PTPRD: variants seen among roughly 807,000 people sequenced by gnomAD.
PTPRD encodes receptor-type tyrosine-protein phosphatase delta.
In PTPRD, 34 loss-of-function variants were observed where a neutral mutation model predicts 214.5. The ratio of observed to expected loss-of-function variants is 0.16; its 90% CI spans 0.12 to 0.21. PTPRD has a LOEUF of 0.21. Ranked by LOEUF, PTPRD falls within the 10% of genes least tolerant of loss-of-function variation. The pLI is 1.00. For synonymous variants in PTPRD, 1,128 were observed against 845.7 expected (o/e 1.33, Z -5.79); for missense variants, 2,545 against 2,398.7 (o/e 1.06, Z -1.27).
At position 8,422,309 on chromosome 9, in the gene PTPRD, A is replaced by G. The variant is rs1373639775; in HGVS notation, c.4086+14283T>C. On this transcript the variant is annotated intron_variant, in intron 35 of 45. Coordinates refer to ENST00000381196, the MANE Select transcript of PTPRD (RefSeq NM_002839.4). ...TAAGTAAAATTCCTACTTTATCACA[A>G]TCCTTGTAATGTTTATAATTTGGGT... Among the ~76,000 whole-genome samples, 6 of 152,208 alleles carry G rather than the reference A, an allele frequency of 3.9e-5. No individual in the cohort carries two copies. In the East Asian group the frequency reaches 9.6e-4, roughly 24 times the overall value.
intron 11 of PTPRD, among the ~76,000 whole-genome samples, chr9:8,763,197 C>T (rs1443700763): frequency 6.6e-6 from 1 of 152,156 alleles, no homozygotes; most frequent in East Asian, 1.9e-4. Flanking sequence ...GACAGTAGAG[C>T]AGACTATAAG....
chr9:8,591,851 T>C (rs960970564), intron 14 of PTPRD, among the ~76,000 whole-genome samples: 1 of 152,162 alleles, frequency 6.6e-6, no homozygotes, highest in African/African-American at 2.4e-5. Context: ...TCTAACGGAA[T>C]AGCCTTCAGT....
At chr9:9,537,081 TCA>T (rs1002232488) in intron 8 of PTPRD, among the ~76,000 whole-genome samples, 6 of 151,852 alleles carry the variant, frequency 4.0e-5, no homozygotes, top group Admixed American at 3.9e-4. Flanking sequence ...GGAATGCTAC[TCA>T]CACACAGCAT....
intron 2 of PTPRD, among the ~76,000 whole-genome samples, chr9:10,594,262 G>T (rs558198918): frequency 5.4e-5 from 8 of 147,400 alleles, no homozygotes; most frequent in Non-Finnish European, 1.1e-4. Flanking sequence ...AAATGAAGGA[G>T]AAATTATATT....
At chr9:10,067,591 G>A (rs1393875506) in intron 3 of PTPRD, among the ~76,000 whole-genome samples, 2 of 151,774 alleles carry the variant, frequency 1.3e-5, no homozygotes, top group Non-Finnish European at 2.9e-5. Context: ...CTGCGAGGAG[G>A]TATTATTATC....
intron 8 of PTPRD, among the ~76,000 whole-genome samples, chr9:9,555,763 T>A (rs1196286356): frequency 6.6e-6 from 1 of 152,160 alleles, no homozygotes; most frequent in Non-Finnish European, 1.5e-5. Flanking sequence ...ATAAGTACCT[T>A]TCCCATTATA....
chr9:10,512,464 A>G (rs2048620689), intron 2 of PTPRD, among the ~76,000 whole-genome samples: 1 of 152,110 alleles, frequency 6.6e-6, no homozygotes, highest in Non-Finnish European at 1.5e-5. Context: ...AAGATGCTAT[A>G]CAGAGAGATA....
rs539731362 is a variant in PTPRD, at chr9:8,676,930, G to C, written c.65-40086C>G. ...AAACGGAGTGCTTGGCACACAGTAG[G>C]CACCCAAAATAAGTCTGTAAAAAAG... On this transcript the variant is annotated intron_variant, in intron 12 of 45. Transcript: ENST00000381196. 3.3e-5 allele frequency among the ~76,000 whole-genome samples: 5 copies of C among 152,216 alleles called. No individual in the cohort carries two copies. The South Asian group carries it at 8.3e-4, about 25-fold the overall frequency.
chr9:9,449,033 T>C (rs2091357398), intron 8 of PTPRD, among the ~76,000 whole-genome samples: 1 of 152,130 alleles, frequency 6.6e-6, no homozygotes, highest in Non-Finnish European at 1.5e-5. Context: ...TGGACCATGT[T>C]ATTAATGAAA....
intron 31 of PTPRD, among the ~76,000 whole-genome samples, chr9:8,466,680 T>A (rs1321935866): frequency 6.6e-6 from 1 of 151,864 alleles, no homozygotes; most frequent in African/African-American, 2.4e-5. Context: ...TTGGGAAGAA[T>A]TTTTATTTTA....
chr9:10,312,778 C>A (rs926678425), intron 3 of PTPRD, among the ~76,000 whole-genome samples: 2 of 151,696 alleles, frequency 1.3e-5, no homozygotes, highest in Non-Finnish European at 1.5e-5. Context: ...CCAAAGGTAC[C>A]ATTTCACTGA....
At chr9:8,615,663 C>T (rs951829727) in intron 14 of PTPRD, among the ~76,000 whole-genome samples, 1 of 152,018 alleles carries the variant, frequency 6.6e-6, no homozygotes, top group African/African-American at 2.4e-5. Context: ...CACCTATATA[C>T]ACTCAGTGGC....
chr9:8,561,542 A>T (rs10977204), intron 14 of PTPRD, among the ~76,000 whole-genome samples: 1 of 151,966 alleles, frequency 6.6e-6, no homozygotes, highest in African/African-American at 2.4e-5. Flanking sequence ...AAGCCGGTGT[A>T]CAAGCGAGAC....
At chr9:10,268,317 TAAC>T (rs143957557) in intron 3 of PTPRD, among the ~76,000 whole-genome samples, 128 of 140,564 alleles carry the variant, frequency 9.1e-4, no homozygotes, top group East Asian at 7.6e-3. Flanking sequence ...ATAATAATAA[TAAC>T]GATAATAATA....
chr9:9,977,495 T>C (rs2095399831), intron 4 of PTPRD, among the ~76,000 whole-genome samples: 1 of 152,184 alleles, frequency 6.6e-6, no homozygotes, highest in South Asian at 2.1e-4. Flanking sequence ...AAACATATTA[T>C]CATAAGTAGC....
Position 9,966,425 on chromosome 9 carries a change from G to A in PTPRD, c.-471-27815C>T, listed in dbSNP as rs190531876. 2.0e-3 allele frequency among the ~76,000 whole-genome samples: 308 copies of A among 152,186 alleles called. 1 individual carries two copies. The highest frequency in any genetic ancestry group is 7.2e-3 in the African/African-American group (300 of 41,510). ...GTTTCTAAGGTAGGCGTGTGCTATG[G>A]CAGCAAGGAGGTACCTTATCAGTAA... On this transcript the variant is annotated intron_variant, in intron 4 of 45. Transcript: ENST00000381196.
intron 13 of PTPRD, among the ~76,000 whole-genome samples, chr9:8,634,891 T>C (rs1353676876): frequency 6.6e-6 from 1 of 151,718 alleles, no homozygotes; most frequent in Admixed American, 6.6e-5. Context: ...ACGCCAGTGA[T>C]GTAATTTCCA....
chr9:10,135,880 C>A (rs987241321), intron 3 of PTPRD, among the ~76,000 whole-genome samples: 1 of 150,584 alleles, frequency 6.6e-6, no homozygotes, highest in African/African-American at 2.4e-5. Flanking sequence ...CACAGATCAA[C>A]ATTAATCTTG....
intron 7 of PTPRD, among the ~76,000 whole-genome samples, chr9:9,661,355 T>C (rs1003634577): frequency 1.6e-4 from 25 of 152,050 alleles, no homozygotes; most frequent in African/African-American, 4.6e-4. Flanking sequence ...TTTTTTTAAA[T>C]TGCTAAACTA....
Sources: gnomAD v4.1 joint callset for allele counts (sites outside exome capture counted in the v4.1 genomes callset) on GRCh38, gnomAD v4.1.1 for gene constraint, MANE v1.5 for transcripts, NCBI Gene and HGNC (gene_info 2026-07-23, HGNC 2026-07-21) for gene names.